The following RYR2 variants were observed in gnomAD, a reference collection of about 807,000 sequenced individuals.
RYR2 encodes the protein ryanodine receptor 2.
In RYR2, 227 loss-of-function variants were observed where a neutral mutation model predicts 601.1. That is an observed-to-expected ratio of 0.38 (90% confidence interval 0.34 to 0.42). The LOEUF (loss-of-function observed/expected upper bound fraction) is 0.42, where lower values mean the gene tolerates loss of function less well. RYR2 is among the 10% of genes least tolerant of loss of function. RYR2 has a pLI of 1.00. For synonymous variants in RYR2, 2,223 were observed against 2,175.1 expected (o/e 1.02, Z -0.61); for missense variants, 4,646 against 6,156.5 (o/e 0.75, Z 8.21).
At position 237,707,194 on chromosome 1, in the gene RYR2, C is replaced by T; in HGVS notation, c.9826C>T (p.Leu3276Phe). Residue 3276 changes from leucine to phenylalanine, a missense_variant, in exon 68 of 105, where the codon CTT becomes TTT. Leu to Phe is a conservative substitution (Grantham distance 22). Coordinates refer to ENST00000366574, the MANE Select transcript of RYR2 (RefSeq NM_001035.3). The part of the protein sequence containing the change: ...TALNSEHMNT[L>F]LGNILKIIYN... ...CCTGAACTCAGAGCACATGAACACA[C>T]TTCTAGGGAACATATTGAAAATCAT... The T allele has an allele frequency of 8.1e-6, 13 of 1,605,456 alleles. No homozygotes were observed. Among genetic ancestry groups the T allele is most frequent in the African/African-American group, 1.3e-5 (1 of 74,858 alleles).
chr1:237,348,074 A>G (rs1045667344), intron 3 of RYR2, among the ~76,000 whole-genome samples: 4 of 152,166 alleles, frequency 2.6e-5, no homozygotes, highest in Non-Finnish European at 5.9e-5. Flanking sequence ...TTGAGGATAC[A>G]AGATCTTGAA....
At chr1:237,049,736 C>T (rs1222131140) in intron 1 of RYR2, among the ~76,000 whole-genome samples, 2 of 152,142 alleles carry the variant, frequency 1.3e-5, no homozygotes, top group Non-Finnish European at 2.9e-5. Flanking sequence ...ATAAGAGAAG[C>T]TTGCAGACAG....
Position 237,656,025 on chromosome 1 carries a change from G to T in RYR2, c.8129+41G>T, listed in dbSNP as rs550798006. Reference sequence around the variant, plus strand: ...ATTGCAGCAGATTTTTATTGTAAATGATGTGTGAAGTCTGAAATTGAATAA... The same window carrying T: ...ATTGCAGCAGATTTTTATTGTAAATTATGTGTGAAGTCTGAAATTGAATAA... On this transcript the variant is annotated intron_variant, in intron 53 of 104. Transcript: ENST00000366574. The T allele has an allele frequency of 3.8e-6, 6 of 1,590,636 alleles. No homozygotes were observed. The South Asian group carries it at 6.8e-5, about 18-fold the overall frequency.
intron 84 of RYR2, among the ~76,000 whole-genome samples, chr1:237,766,185 T>C (rs567783643): frequency 2.9e-4 from 44 of 151,436 alleles, no homozygotes; most frequent in African/African-American, 1.1e-3. Context: ...TTCTCTGCCC[T>C]GCCAAGGAAT....
At position 237,364,392 on chromosome 1, in the gene RYR2, A is replaced by C; in HGVS notation, c.309+20A>C. ...ATGAAGGTAAGACATCTTAATATAT[A>C]TGCTATGTATATATATAGCAGATAT... On this transcript the variant is annotated intron_variant, in intron 5 of 104. Coordinates refer to ENST00000366574, the MANE Select transcript of RYR2 (RefSeq NM_001035.3). 9 of 1,409,332 alleles carry C rather than the reference A, an allele frequency of 6.4e-6. No individual in the cohort carries two copies. Among genetic ancestry groups the C allele is most frequent in the Non-Finnish European group, 7.9e-6 (8 of 1,014,806 alleles). The allele number at this position is 1,409,332 out of a possible 1,614,324, so 87.3% of individuals were successfully genotyped here.
At chr1:237,587,846 T>G (rs575580818) in intron 29 of RYR2, among the ~76,000 whole-genome samples, 5 of 152,178 alleles carry the variant, frequency 3.3e-5, no homozygotes, top group Non-Finnish European at 7.3e-5. Context: ...ACTTTCCATG[T>G]AGGCTAGGAA....
intron 17 of RYR2, among the ~76,000 whole-genome samples, chr1:237,478,716 G>A (rs9428380): frequency 0.35 from 52,469 of 151,906 alleles, 11,031 homozygotes; most frequent in African/African-American, 0.59. Flanking sequence ...TTTCACAGCT[G>A]GGAAACTGAG....
At chr1:237,687,353 C>CTTTT in intron 62 of RYR2, 102 bp from the exon 63 acceptor site, 1 of 584,798 alleles carries the variant, frequency 1.7e-6, no homozygotes. Context: ...GTTTTTTTTT[C>CTTTT]TTTTTTCTTC....
chr1:237,791,223 C>T lies in RYR2; in HGVS notation c.13477-206C>T, dbSNP rs114111854. Among the ~76,000 whole-genome samples the T allele has an allele frequency of 0.036, 5,427 of 152,196 alleles. 108 individuals carry two copies. Among genetic ancestry groups the T allele is most frequent in the Middle Eastern group, 0.11 (33 of 292 alleles). On this transcript the variant is annotated intron_variant, in intron 92 of 104. Transcript: ENST00000366574. ...TCTCTGAAATTATGTTTTTCACTTG[C>T]GGGTATGCTTTTTTATTCTTTGTCT...
chr1:237,070,487 T>TG (rs1446330091), intron 1 of RYR2, among the ~76,000 whole-genome samples: 1 of 152,228 alleles, frequency 6.6e-6, no homozygotes, highest in Non-Finnish European at 1.5e-5. Context: ...CCCAAAGTGC[T>TG]GGTGTCACAG....
intron 2 of RYR2, among the ~76,000 whole-genome samples, chr1:237,304,422 C>T (rs1168100821): frequency 6.6e-6 from 1 of 152,198 alleles, no homozygotes; most frequent in Admixed American, 6.5e-5. Context: ...GAAAGAGCTA[C>T]ACAAATGTAA....
At chr1:237,464,083 C>A (rs1463764945) in intron 16 of RYR2, among the ~76,000 whole-genome samples, 1 of 152,134 alleles carries the variant, frequency 6.6e-6, no homozygotes, top group Non-Finnish European at 1.5e-5. Flanking sequence ...CACCTGCATG[C>A]GTGCTTGCAG....
At chr1:237,636,855 T>TA (rs1378920681) in intron 44 of RYR2, among the ~76,000 whole-genome samples, 2 of 140,028 alleles carry the variant, frequency 1.4e-5, no homozygotes, top group Non-Finnish European at 3.2e-5. Context: ...CATCCCACAA[T>TA]AAAAAAGAAT....
chr1:237,445,772 T>G (rs1179391069), intron 14 of RYR2, among the ~76,000 whole-genome samples: 1 of 152,082 alleles, frequency 6.6e-6, no homozygotes, highest in Non-Finnish European at 1.5e-5. Flanking sequence ...TAGGATGATT[T>G]AATGACTACT....
At chr1:237,564,872 A>C (rs1671809252) in intron 27 of RYR2, among the ~76,000 whole-genome samples, 2 of 152,216 alleles carry the variant, frequency 1.3e-5, no homozygotes, top group East Asian at 1.9e-4. Context: ...GAGCCATCTC[A>C]TGCTACAGCC....
rs776298297 is a variant in RYR2 at position 237,783,930 on chromosome 1, A to T, written c.12218A>T (p.Asp4073Val). 6.2e-7 allele frequency: 1 copy of T among 1,613,450 alleles called. No individual in the cohort carries two copies. The highest frequency in any genetic ancestry group is 8.5e-7 in the Non-Finnish European group (1 of 1,179,702). ...TEFLLSCAET[D>V]ENETLDYEEF... ...TTTCTTTTGTCTTGTGCGGAGACGG[A>T]TGAGAATGAAACCCTCGACTACGAA... The change falls in exon 90 of 105, where the codon GAT (aspartate) becomes GTT (valine). Residue 4073 changes from aspartate (D) to valine (V), a missense_variant. Physicochemically the swap from Asp to Val is radical, Grantham distance 152. Coordinates refer to ENST00000366574, the MANE Select transcript of RYR2 (RefSeq NM_001035.3).
intron 51 of RYR2, 129 bp downstream of exon 51, chr1:237,651,630 G>T: frequency 1.6e-6 from 1 of 626,354 alleles, no homozygotes; most frequent in Non-Finnish European, 2.8e-6. Context: ...ATTGAAATGG[G>T]CATAGAAGTT....
At chr1:237,670,126 A>T (rs1684780301) in intron 58 of RYR2, among the ~76,000 whole-genome samples, 1 of 151,996 alleles carries the variant, frequency 6.6e-6, no homozygotes, top group African/African-American at 2.4e-5. Flanking sequence ...GTCTCCACCA[A>T]AAAAATACGA....
chr1:237,074,019 A>C (rs1664705364), intron 1 of RYR2, among the ~76,000 whole-genome samples: 1 of 151,972 alleles, frequency 6.6e-6, no homozygotes, highest in Admixed American at 6.6e-5. Flanking sequence ...GAAGATTTAA[A>C]ATTTTTTTGT....
Sources: allele counts gnomAD v4.1 joint callset (sites outside exome capture counted in the v4.1 genomes callset), GRCh38; gene constraint gnomAD v4.1.1; transcripts MANE v1.5; gene names NCBI Gene and HGNC (gene_info 2026-07-23, HGNC 2026-07-21).